HMCN1: variants seen among roughly 807,000 people sequenced by gnomAD.
The protein encoded by HMCN1 is hemicentin 1.
In HMCN1, 321 loss-of-function variants were observed where a neutral mutation model predicts 625.9. That is an observed-to-expected ratio of 0.51 (90% CI 0.47 to 0.56). The LOEUF is 0.56. HMCN1 is among the 20% of genes least tolerant of loss of function. The pLI is 0.00. For missense variants in HMCN1, 6,588 were observed against 6,887.3 expected, an observed-to-expected ratio of 0.96 and a Z score of 1.54; for synonymous variants, 2,425 against 2,417.6, an observed-to-expected ratio of 1.00 and a Z score of -0.09.
chr1:186,159,697 G>A (rs2102599216), intron 97 of HMCN1, among the ~76,000 whole-genome samples: 1 of 152,130 alleles, frequency 6.6e-6, no homozygotes, highest in East Asian at 1.9e-4. Context: ...TTTGTCTTTG[G>A]TTCTGTTTAT....
At chr1:185,819,352 T>G (rs1054709249) in intron 1 of HMCN1, among the ~76,000 whole-genome samples, 6 of 152,216 alleles carry the variant, frequency 3.9e-5, no homozygotes, top group African/African-American at 1.4e-4. Flanking sequence ...ATTTTCTTGA[T>G]TTTAAAATTA....
At chr1:186,180,513 G>C (rs1042994598) in intron 104 of HMCN1, among the ~76,000 whole-genome samples, 2 of 152,162 alleles carry the variant, frequency 1.3e-5, no homozygotes, top group African/African-American at 4.8e-5. Context: ...GAAGGTCCAA[G>C]TTATTTTAAG....
chr1:185,883,144 G>A (rs1664415716), intron 4 of HMCN1, among the ~76,000 whole-genome samples: 2 of 151,952 alleles, frequency 1.3e-5, no homozygotes, highest in African/African-American at 4.8e-5. Flanking sequence ...GTGTTTGTGT[G>A]TCTTTCACTT....
intron 71 of HMCN1, among the ~76,000 whole-genome samples, chr1:186,112,144 T>C (rs1660918580): frequency 6.6e-6 from 1 of 152,256 alleles, no homozygotes; most frequent in African/African-American, 2.4e-5. Flanking sequence ...TATGCCTAGT[T>C]ACAAAATAAA....
chr1:185,983,551 G>C (rs1447344330), intron 18 of HMCN1, among the ~76,000 whole-genome samples: 1 of 152,192 alleles, frequency 6.6e-6, no homozygotes, highest in Non-Finnish European at 1.5e-5. Context: ...AAATGTCCTT[G>C]CAGAATGATA....
At chr1:185,995,220 A>G (rs1652705745) in intron 24 of HMCN1, 133 bp downstream of exon 24, 1 of 783,652 alleles carries the variant, frequency 1.3e-6, no homozygotes, top group South Asian at 1.6e-5. Context: ...TGACTCTTTA[A>G]CTTTGAAAGA....
intron 9 of HMCN1, among the ~76,000 whole-genome samples, chr1:185,927,543 C>T (rs939323656): frequency 2.6e-5 from 4 of 152,142 alleles, no homozygotes; most frequent in Admixed American, 1.3e-4. Context: ...TTCTTACAAA[C>T]CCTAGTTGTA....
At chr1:186,182,489 C>T (rs1437202912) in intron 105 of HMCN1, among the ~76,000 whole-genome samples, 1 of 152,076 alleles carries the variant, frequency 6.6e-6, no homozygotes, top group African/African-American at 2.4e-5. Flanking sequence ...AGCTGAGAAA[C>T]ATTTTTGGTA....
intron 49 of HMCN1, 71 bp from the exon 50 acceptor site, chr1:186,067,763 T>G (rs1180265554): frequency 1.9e-6 from 2 of 1,034,060 alleles, no homozygotes; most frequent in Non-Finnish European, 3.0e-6. Context: ...ATACATATAA[T>G]GGAAATTTAG....
intron 93 of HMCN1, 117 bp from the exon 94 acceptor site, chr1:186,151,083 C>T (rs1429399262): frequency 1.0e-6 from 1 of 964,330 alleles, no homozygotes; most frequent in Non-Finnish European, 1.6e-6. Flanking sequence ...TGTCATATGA[C>T]CTTTTTGATG....
At position 186,125,614 on chromosome 1, in the gene HMCN1, G is replaced by C. The variant is rs147073283; in HGVS notation, c.12510G>C (p.Arg4170Ser). 2.7e-5 allele frequency: 44 copies of C among 1,612,628 alleles called. No homozygotes were observed. In the African/African-American group the frequency reaches 5.5e-4, roughly 20 times the overall value. The change falls in exon 82 of 107, where the codon AGG becomes AGC. Residue 4170 changes from arginine to serine, a missense_variant. Physicochemically the swap from Arg to Ser is moderately radical, Grantham distance 110. Transcript: ENST00000271588. Reference protein sequence around the residue: ...STKLTVHVPPRIRSTEGHYTV... With the variant: ...STKLTVHVPPSIRSTEGHYTV... ...TTAAACTCTTCATAGTACCACCCAG[G>C]ATCAGAAGTACAGAAGGACACTACA...
intron 104 of HMCN1, among the ~76,000 whole-genome samples, chr1:186,181,076 G>A (rs1459861591): frequency 6.6e-6 from 1 of 152,116 alleles, no homozygotes; most frequent in Admixed American, 6.6e-5. Context: ...TCACACTTGG[G>A]GGTAGTGTAA....
At chr1:186,126,909 G>A (rs1571389506) in intron 82 of HMCN1, among the ~76,000 whole-genome samples, 1 of 152,084 alleles carries the variant, frequency 6.6e-6, no homozygotes. Flanking sequence ...AAGGTAGGGA[G>A]ACAAGGACAG....
intron 29 of HMCN1, among the ~76,000 whole-genome samples, 194 bp from the exon 30 acceptor site, chr1:186,006,934 A>T (rs992109346): frequency 6.6e-6 from 1 of 152,064 alleles, no homozygotes; most frequent in African/African-American, 2.4e-5. Flanking sequence ...TCTCAAAGAG[A>T]TATTTATGAT....
intron 5 of HMCN1, among the ~76,000 whole-genome samples, chr1:185,911,251 T>G (rs1198572417): frequency 6.6e-6 from 1 of 152,140 alleles, no homozygotes; most frequent in Non-Finnish European, 1.5e-5. Context: ...CTGCATAACA[T>G]TTTTGGTAGC....
Position 186,152,311 on chromosome 1 carries a change from G to T in HMCN1, c.14897-439G>T, listed in dbSNP as rs145435378. ...CTTTAAGGAAGAGGGGCTTGAGGAC[G>T]GCTTATCTTTAATCAACATTTAATC... On this transcript the variant is annotated intron_variant, in intron 95 of 106. Coordinates refer to ENST00000271588, the MANE Select transcript of HMCN1 (RefSeq NM_031935.3). 6.0e-4 allele frequency among the ~76,000 whole-genome samples: 91 copies of T among 152,232 alleles called. 1 individual carries two copies. The East Asian group carries it at 0.017, about 28-fold the overall frequency.
intron 71 of HMCN1, among the ~76,000 whole-genome samples, chr1:186,109,348 C>G (rs1039670562): frequency 1.3e-5 from 2 of 152,148 alleles, no homozygotes; most frequent in African/African-American, 4.8e-5. Flanking sequence ...CATGGAGAGG[C>G]CAGGTTCTGA....
At position 186,109,210 on chromosome 1, in the gene HMCN1, C is replaced by T. The variant is rs866603180; in HGVS notation, c.10989+613C>T. Among the ~76,000 whole-genome samples the T allele has an allele frequency of 2.0e-5, 3 of 152,220 alleles. No individual in the cohort carries two copies. In the East Asian group the frequency reaches 5.8e-4, roughly 29 times the overall value. On this transcript the variant is annotated intron_variant, in intron 71 of 106. Transcript: ENST00000271588. ...TTATCCTCATTATTTTTTTCTTCTT[C>T]GTTCTTCCTCATCCTCTTATTGTAA...
chr1:186,054,813 A>G (rs1182006544), intron 44 of HMCN1, among the ~76,000 whole-genome samples: 2 of 152,000 alleles, frequency 1.3e-5, no homozygotes, highest in African/African-American at 2.4e-5. Context: ...TCAATTCCAC[A>G]TGGAAGGCAA....
Sources: gnomAD v4.1 joint callset for allele counts (sites outside exome capture counted in the v4.1 genomes callset) on GRCh38, gnomAD v4.1.1 for gene constraint, MANE v1.5 for transcripts, NCBI Gene and HGNC (gene_info 2026-07-23, HGNC 2026-07-21) for gene names.